The following CLIC4 variants were observed in gnomAD, a reference collection of about 807,000 sequenced individuals.
The protein encoded by CLIC4 is chloride intracellular channel protein 4.
CLIC4 carries 13 observed loss-of-function variants against 24.6 expected under a neutral mutation model. The observed-to-expected ratio is 0.53, with a 90% CI of 0.34 to 0.84. CLIC4 has a LOEUF of 0.84. Among genes scored for constraint, CLIC4 ranks in the 40% least tolerant of loss-of-function variants. CLIC4 has a pLI of 0.01. For synonymous variants in CLIC4, 104 were observed against 111.3 expected, an observed-to-expected ratio of 0.93 and a Z score of 0.41; for missense variants, 227 against 301.7, an observed-to-expected ratio of 0.75 and a Z score of 1.83.
chr1:24,813,277 C>T (rs1347237482), intron 2 of CLIC4, among the ~76,000 whole-genome samples: 3 of 151,884 alleles, frequency 2.0e-5, no homozygotes, highest in South Asian at 2.1e-4. Context: ...CTTCTGACCT[C>T]GTGATCCTCC....
chr1:24,803,472 T>C (rs1239854189), intron 2 of CLIC4, among the ~76,000 whole-genome samples: 1 of 152,234 alleles, frequency 6.6e-6, no homozygotes, highest in Non-Finnish European at 1.5e-5. Context: ...CAGTTGGCAT[T>C]AATGACTATG....
intron 1 of CLIC4, among the ~76,000 whole-genome samples, chr1:24,792,813 C>T (rs1336604027): frequency 6.6e-6 from 1 of 152,154 alleles, no homozygotes; most frequent in African/African-American, 2.4e-5. Context: ...AGGCAGTCAC[C>T]TGTGAAAGGA....
At chr1:24,809,609 C>T (rs1639591903) in intron 2 of CLIC4, among the ~76,000 whole-genome samples, 1 of 152,170 alleles carries the variant, frequency 6.6e-6, no homozygotes, top group Non-Finnish European at 1.5e-5. Flanking sequence ...TATAGGCATG[C>T]ACTACTACAC....
intron 1 of CLIC4, among the ~76,000 whole-genome samples, chr1:24,777,400 C>T (rs1044390697): frequency 6.6e-6 from 1 of 152,004 alleles, no homozygotes; most frequent in South Asian, 2.1e-4. Context: ...AAGAATTAGT[C>T]AGGCGTGGTG....
At chr1:24,820,849 A>G (rs1440361735) in intron 3 of CLIC4, among the ~76,000 whole-genome samples, 1 of 152,186 alleles carries the variant, frequency 6.6e-6, no homozygotes, top group Non-Finnish European at 1.5e-5. Flanking sequence ...TTAAATGGAC[A>G]TTTCCTCATA....
intron 1 of CLIC4, among the ~76,000 whole-genome samples, chr1:24,784,920 C>T (rs1040715175): frequency 2.0e-5 from 3 of 150,102 alleles, no homozygotes; most frequent in African/African-American, 4.9e-5. Context: ...TGGAGAATGG[C>T]GTGAACCCGG....
At chr1:24,782,829 A>G (rs868819455) in intron 1 of CLIC4, among the ~76,000 whole-genome samples, 3 of 152,100 alleles carry the variant, frequency 2.0e-5, no homozygotes, top group Non-Finnish European at 4.4e-5. Context: ...AAGTAAAAAA[A>G]TTAGCCAGGC....
chr1:24,752,248 A>C (rs1638785213), intron 1 of CLIC4, among the ~76,000 whole-genome samples: 1 of 152,122 alleles, frequency 6.6e-6, no homozygotes, highest in African/African-American at 2.4e-5. Context: ...TAAAACTGTT[A>C]ATCTGTGCAT....
intron 2 of CLIC4, among the ~76,000 whole-genome samples, chr1:24,799,057 C>T (rs902534768): frequency 3.3e-5 from 5 of 152,120 alleles, no homozygotes; most frequent in Admixed American, 1.3e-4. Flanking sequence ...AGCCTCTGCC[C>T]GGCCGCCACC....
chr1:24,777,754 A>T (rs1639158035), intron 1 of CLIC4: 1 of 152,176 alleles, frequency 6.6e-6, no homozygotes, highest in South Asian at 2.1e-4. Flanking sequence ...ACCAGATTTT[A>T]AAGATGTAGT....
In CLIC4 at chr1:24,824,825, C is replaced by G. The variant is rs537117894; in HGVS notation, c.309-2185C>G. 1.1e-3 allele frequency among the ~76,000 whole-genome samples: 172 copies of G among 151,650 alleles called. 1 individual carries two copies. The highest frequency in any genetic ancestry group is 3.9e-3 in the African/African-American group (163 of 41,316). On this transcript the variant is annotated intron_variant, in intron 3 of 5. Transcript: ENST00000374379. ...ACTAGCCTGGGCAACATGGGGAAAC[C>G]TCGTCTCTACAAAAAAATACAAAAA... is the stretch of plus-strand genomic sequence containing the variant.
chr1:24,751,527 CG>C (rs1472244152), intron 1 of CLIC4, among the ~76,000 whole-genome samples: 8 of 152,152 alleles, frequency 5.3e-5, no homozygotes, highest in Admixed American at 5.2e-4. Flanking sequence ...CGTGAGCCAC[CG>C]TGCCAGTCTT....
At chr1:24,812,197 T>C (rs981266205) in intron 2 of CLIC4, among the ~76,000 whole-genome samples, 9 of 152,196 alleles carry the variant, frequency 5.9e-5, no homozygotes, top group Non-Finnish European at 1.3e-4. Context: ...CCTTAGGTAA[T>C]GTAGATTTTA....
intron 1 of CLIC4, among the ~76,000 whole-genome samples, chr1:24,796,495 G>A (rs900220261): frequency 2.0e-5 from 3 of 151,558 alleles, no homozygotes; most frequent in African/African-American, 4.9e-5. Flanking sequence ...CTTATAATTC[G>A]TATTTTTATT....
chr1:24,816,489 C>T (rs961835653), intron 3 of CLIC4, among the ~76,000 whole-genome samples: 21 of 151,980 alleles, frequency 1.4e-4, no homozygotes, highest in African/African-American at 4.6e-4. Flanking sequence ...ATGATCCGCC[C>T]GTCTCGGCCT....
intron 2 of CLIC4, 52 bp from the exon 3 acceptor site, chr1:24,814,042 G>T: frequency 6.2e-7 from 1 of 1,609,134 alleles, no homozygotes; most frequent in Admixed American, 1.7e-5. Flanking sequence ...AAGTATTATT[G>T]TTGTTTAAGA....
At chr1:24,796,422 C>T (rs553676799) in intron 1 of CLIC4, among the ~76,000 whole-genome samples, 8 of 151,828 alleles carry the variant, frequency 5.3e-5, no homozygotes, top group Non-Finnish European at 8.8e-5. Flanking sequence ...CTCCTGACCT[C>T]GTGATCTGCC....
intron 4 of CLIC4, 85 bp downstream of exon 4, chr1:24,827,201 G>A (rs4649022): frequency 0.99 from 820,365 of 825,770 alleles, 407,649 homozygotes; most frequent in East Asian, 1. Flanking sequence ...TTATAAATGA[G>A]TACTTTAGAG....
At chr1:24,765,602 A>G (rs955950709) in intron 1 of CLIC4, among the ~76,000 whole-genome samples, 7 of 152,208 alleles carry the variant, frequency 4.6e-5, no homozygotes, top group South Asian at 4.1e-4. Flanking sequence ...GATAGCCATT[A>G]AGATTAGGAG....
Sources: gnomAD v4.1 joint callset for allele counts (sites outside exome capture counted in the v4.1 genomes callset) on GRCh38, gnomAD v4.1.1 for gene constraint, MANE v1.5 for transcripts, NCBI Gene and HGNC (gene_info 2026-07-23, HGNC 2026-07-21) for gene names.